The following SETDB1 variants were observed in gnomAD, a reference collection of about 807,000 sequenced individuals.
SETDB1 encodes SET domain bifurcated histone lysine methyltransferase 1, also known as histone-lysine N-methyltransferase SETDB1.
In SETDB1, 31 loss-of-function variants were observed where a neutral mutation model predicts 137.4. That is an observed-to-expected ratio of 0.23 (90% CI 0.17 to 0.30). SETDB1 has a LOEUF of 0.30. SETDB1 is among the 10% of genes least tolerant of loss of function. SETDB1 has a pLI of 1.00. For synonymous variants in SETDB1, 548 were observed against 579.9 expected (o/e 0.95, Z 0.79); for missense variants, 1,113 against 1,631.5 (o/e 0.68, Z 5.47).
intron 14 of SETDB1, among the ~76,000 whole-genome samples, chr1:150,955,963 A>G (rs889350508): frequency 1.3e-5 from 2 of 152,038 alleles, no homozygotes; most frequent in African/African-American, 4.8e-5. Flanking sequence ...GTGGTGGCAC[A>G]TGCCTGTAGT....
intron 3 of SETDB1, among the ~76,000 whole-genome samples, chr1:150,932,924 T>C (rs1262166183): frequency 2.6e-5 from 4 of 152,228 alleles, no homozygotes; most frequent in South Asian, 2.1e-4. Context: ...GCATCATTTT[T>C]AATTTTCCTT....
chr1:150,937,272 A>G (rs1409843129), intron 3 of SETDB1, among the ~76,000 whole-genome samples: 1 of 152,152 alleles, frequency 6.6e-6, no homozygotes, highest in Non-Finnish European at 1.5e-5. Context: ...CAAAAAGACA[A>G]ATGATTTCAC....
intron 3 of SETDB1, among the ~76,000 whole-genome samples, chr1:150,933,298 A>G (rs1160504265): frequency 6.6e-6 from 1 of 151,162 alleles, no homozygotes; most frequent in Non-Finnish European, 1.5e-5. Context: ...GAGCTCAGGC[A>G]ATCCTCCTGC....
chr1:150,944,664 A>G (rs1571642163), intron 8 of SETDB1, among the ~76,000 whole-genome samples: 2 of 152,206 alleles, frequency 1.3e-5, no homozygotes, highest in East Asian at 3.8e-4. Flanking sequence ...GAGGAGAAAC[A>G]TCCATTTGTG....
At position 150,953,226 on chromosome 1, in the gene SETDB1, TA is replaced by T. The variant is rs587736841; in HGVS notation, c.2333+1754del. On this transcript the variant is annotated intron_variant, in intron 14 of 21. Transcript: ENST00000692827. ...GGGCAACATAGTAAGACCCTGTGTCTAAAAAAAAATTGTTGGGGCTGGGCGT... is the reference window on the plus strand; with the variant it reads ...GGGCAACATAGTAAGACCCTGTGTCTAAAAAAAATTGTTGGGGCTGGGCGT... Among the ~76,000 whole-genome samples, 100 of 151,352 alleles carry T rather than the reference TA, an allele frequency of 6.6e-4. 1 individual carries two copies. The South Asian group carries it at 0.019, about 29-fold the overall frequency.
intron 3 of SETDB1, among the ~76,000 whole-genome samples, chr1:150,939,567 C>G (rs1356800228): frequency 6.6e-6 from 1 of 152,052 alleles, no homozygotes; most frequent in Non-Finnish European, 1.5e-5. Flanking sequence ...TCAGGTGATC[C>G]ACCCACCTTG....
chr1:150,927,781 G>T lies in SETDB1; in HGVS notation c.67G>T (p.Ala23Ser), dbSNP rs141893614. The T allele has an allele frequency of 1.2e-6, 2 of 1,614,044 alleles. No individual in the cohort carries two copies. Among genetic ancestry groups the T allele is most frequent in the African/African-American group, 1.3e-5 (1 of 74,924 alleles). The change falls in exon 2 of 22, where the codon GCA (alanine) becomes TCA (serine). Residue 23 changes from alanine to serine, a missense_variant. By Grantham distance (99) the Ala-to-Ser change is moderately conservative. Around this residue, in one of 11 missense-constraint regions of SETDB1, gnomAD observed 32 missense variants for 26.3 expected, o/e 1.22. Coordinates refer to ENST00000692827, the MANE Select transcript of SETDB1 (RefSeq NM_001366418.1). ...AGCTACAGTGGAGTCTGAAGAGATT[G>T]CAGAGCTGCAACAGGCAGTGGTTGA... ...ATATVESEEI[A>S]ELQQAVVEEL... is the part of the protein sequence containing the mutation.
chr1:150,951,993 C>G (rs2102721859), intron 14 of SETDB1, among the ~76,000 whole-genome samples: 1 of 150,442 alleles, frequency 6.6e-6, no homozygotes, highest in South Asian at 2.1e-4. Flanking sequence ...ACTAAAAATA[C>G]AAAAATTAGC....
intron 3 of SETDB1, 99 bp downstream of exon 3, chr1:150,930,217 C>T (rs1367968133): frequency 2.9e-6 from 3 of 1,039,960 alleles, no homozygotes; most frequent in African/African-American, 1.6e-5. Context: ...AAACCATTGT[C>T]ACTAACTCCA....
At chr1:150,939,437 G>C (rs1386463604) in intron 3 of SETDB1, among the ~76,000 whole-genome samples, 2 of 151,890 alleles carry the variant, frequency 1.3e-5, no homozygotes, top group Non-Finnish European at 2.9e-5. Context: ...CAGCACTTCT[G>C]CCTCAGCTTC....
At chr1:150,940,070 T>A in intron 4 of SETDB1, 96 bp downstream of exon 4, 1 of 823,534 alleles carries the variant, frequency 1.2e-6, no homozygotes, top group Non-Finnish European at 2.0e-6. Context: ...TGTCAGTATC[T>A]AATCATTCAC....
intron 3 of SETDB1, among the ~76,000 whole-genome samples, chr1:150,935,157 T>C (rs753289654): frequency 3.3e-5 from 5 of 152,234 alleles, no homozygotes; most frequent in Admixed American, 6.5e-5. Flanking sequence ...GACAGAGTTT[T>C]CTTTCAGTAC....
chr1:150,942,849 C>T lies in SETDB1; in HGVS notation c.674-3C>T. The T allele has an allele frequency of 1.2e-6, 2 of 1,613,052 alleles. No homozygotes were observed. The highest frequency in any genetic ancestry group is 1.7e-6 in the Non-Finnish European group (2 of 1,179,018). ...AAAAGATTTATCTTTCCCTTTTACT[C>T]AGGGCCAGGGAAGAAATACAAGGTG... On this transcript the variant is annotated splice_polypyrimidine_tract_variant and splice_region_variant and intron_variant, in intron 6 of 21. Coordinates refer to ENST00000692827, the MANE Select transcript of SETDB1 (RefSeq NM_001366418.1).
rs781489180 is a variant in SETDB1, at chr1:150,942,974, G to A, written c.796G>A (p.Ala266Thr). 5.1e-5 allele frequency: 82 copies of A among 1,613,684 alleles called. No individual in the cohort carries two copies. Among genetic ancestry groups the A allele is most frequent in the African/African-American group, 6.7e-5 (5 of 74,878 alleles). Residue 266 changes from alanine (A) to threonine (T), a missense_variant, in exon 7 of 22, where the codon GCC (alanine) becomes ACC (threonine). Physicochemically the swap from Ala to Thr is moderately conservative, Grantham distance 58. Transcript: ENST00000692827. Reference protein sequence around the residue: ...DKLYVGSRVVAKYKDGNQVWL... With the variant: ...DKLYVGSRVVTKYKDGNQVWL... ...GCTGTATGTGGGCAGTCGGGTGGTCGCCAAATACAAAGATGGGAATCAGGT... is the reference window on the plus strand; with the variant it reads ...GCTGTATGTGGGCAGTCGGGTGGTCACCAAATACAAAGATGGGAATCAGGT...
At chr1:150,930,383 C>G (rs1669686292) in intron 3 of SETDB1, 1 of 361,480 alleles carries the variant, frequency 2.8e-6, no homozygotes, top group Admixed American at 4.4e-5. Context: ...GTGGAATTGC[C>G]AGGACTTATA....
At chr1:150,958,149 C>CT (rs1670704885) in intron 14 of SETDB1, among the ~76,000 whole-genome samples, 1 of 148,774 alleles carries the variant, frequency 6.7e-6, no homozygotes, top group Non-Finnish European at 1.5e-5. Context: ...CGCCATTGCA[C>CT]TCCAGCCTGG....
rs774750879 is a variant in SETDB1, at chr1:150,945,440, G to A, written c.1140+332G>A. The A allele has an allele frequency of 3.9e-4, 183 of 472,324 alleles. 1 individual carries two copies. In the Middle Eastern group the frequency reaches 6.8e-3, roughly 18 times the overall value. The allele number at this position is 472,324 out of a possible 1,614,324, so 29.3% of individuals were successfully genotyped here. On this transcript the variant is annotated intron_variant, in intron 9 of 21. Transcript: ENST00000692827. ...TAAGGTTTTAGTAGGATAGTGGGAC[G>A]AAGAAGAGGGATCAAGGAGTCCTGA...
rs1369244586 is a variant in SETDB1, at chr1:150,964,355, T to C, written c.3870T>C (p.Arg1290=). ...CCCGAIECRG[R]LL is the part of the protein sequence containing the mutation. ...GTGGGGCCATTGAATGCAGAGGACG[T>C]CTTCTTTAGAGGACAGCCTTCTTCC... Residue 1290 remains arginine (R), a synonymous_variant, in exon 22 of 22, where the codon CGT becomes CGC. Coordinates refer to ENST00000692827, the MANE Select transcript of SETDB1 (RefSeq NM_001366418.1). 1 of 1,611,358 alleles carries C rather than the reference T, an allele frequency of 6.2e-7. No individual in the cohort carries two copies. Among genetic ancestry groups the C allele is most frequent in the Non-Finnish European group, 8.5e-7 (1 of 1,177,484 alleles).
At chr1:150,944,163 A>C in intron 8 of SETDB1, 170 bp downstream of exon 8, 1 of 612,794 alleles carries the variant, frequency 1.6e-6, no homozygotes, top group Non-Finnish European at 2.9e-6. Flanking sequence ...AAAGAGATAC[A>C]GTTTTATTGT....
Sources: allele counts gnomAD v4.1 joint callset (sites outside exome capture counted in the v4.1 genomes callset), GRCh38; gene constraint gnomAD v4.1.1; regional missense constraint gnomAD v4.1.1; transcripts MANE v1.5; gene names NCBI Gene and HGNC (gene_info 2026-07-23, HGNC 2026-07-21).